Variants in BRINP3 observed in about 807,000 individuals in gnomAD.
BRINP3 encodes BMP/retinoic acid inducible neural specific 3.
BRINP3 carries 19 observed loss-of-function variants against 71.0 expected under a neutral mutation model. The ratio of observed to expected loss-of-function variants is 0.27; its 90% confidence interval spans 0.19 to 0.39. The LOEUF (loss-of-function observed/expected upper bound fraction) is 0.39, where lower values mean the gene tolerates loss of function less well. BRINP3 is among the 10% of genes least tolerant of loss of function. BRINP3 has a pLI of 1.00. For synonymous variants in BRINP3, 380 were observed against 337.7 expected (o/e 1.13, Z -1.37); for missense variants, 959 against 940.8 (o/e 1.02, Z -0.25).
chr1:190,276,836 A>T (rs1662596523), intron 3 of BRINP3, among the ~76,000 whole-genome samples: 1 of 151,104 alleles, frequency 6.6e-6, no homozygotes, highest in Admixed American at 6.6e-5. Context: ...TTAGCCATAG[A>T]GTAATCAAAA....
At chr1:190,208,747 G>C (rs1385335311) in intron 6 of BRINP3, among the ~76,000 whole-genome samples, 1 of 151,864 alleles carries the variant, frequency 6.6e-6, no homozygotes, top group Non-Finnish European at 1.5e-5. Context: ...TGACCGCCTT[G>C]GCCTCTCAAT....
chr1:190,110,661 T>C (rs1057400769), intron 7 of BRINP3, among the ~76,000 whole-genome samples: 1 of 152,148 alleles, frequency 6.6e-6, no homozygotes, highest in Admixed American at 6.5e-5. Context: ...TGAATCAGGA[T>C]ATCTCAGGCC....
intron 2 of BRINP3, among the ~76,000 whole-genome samples, chr1:190,327,351 G>GAAAAAAAAAAAAAAAAAAAAA (rs1666667604): frequency 1.5e-5 from 1 of 65,756 alleles, no homozygotes; most frequent in Non-Finnish European, 3.5e-5. Context: ...AAAAAAAAAA[G>GAAAAAAAAAAAAAAAAAAAAA]GAAAAAAAAA....
At position 190,265,065 on chromosome 1, in the gene BRINP3, T is replaced by A; in HGVS notation, c.428-10A>T. On this transcript the variant is annotated splice_polypyrimidine_tract_variant and intron_variant, in intron 3 of 7. Transcript: ENST00000367462. ...GTGAGTGACTCCTCTCCTGCATTAA[T>A]AATATTTCAAATTATTCAATTTTCC... 1 of 1,579,622 alleles carries A rather than the reference T, an allele frequency of 6.3e-7. No homozygotes were observed. Among genetic ancestry groups the A allele is most frequent in the Non-Finnish European group, 8.6e-7 (1 of 1,168,962 alleles).
chr1:190,147,508 A>G (rs994078874), intron 7 of BRINP3, among the ~76,000 whole-genome samples: 24 of 152,230 alleles, frequency 1.6e-4, no homozygotes, highest in African/African-American at 5.3e-4. Flanking sequence ...CAAATAAAAT[A>G]TCAATTCACT....
intron 2 of BRINP3, among the ~76,000 whole-genome samples, chr1:190,370,162 TGA>T (rs1419743114): frequency 6.6e-6 from 1 of 152,180 alleles, no homozygotes; most frequent in African/African-American, 2.4e-5. Flanking sequence ...AATTAATCCA[TGA>T]ATGCATACAC....
At chr1:190,247,647 T>C (rs1278149163) in intron 4 of BRINP3, among the ~76,000 whole-genome samples, 1 of 151,798 alleles carries the variant, frequency 6.6e-6, no homozygotes, top group Non-Finnish European at 1.5e-5. Flanking sequence ...ATATTTCCCA[T>C]ACTTCTCACC....
intron 5 of BRINP3, among the ~76,000 whole-genome samples, chr1:190,232,857 A>G (rs934670194): frequency 2.6e-5 from 4 of 152,266 alleles, no homozygotes; most frequent in South Asian, 2.1e-4. Context: ...TTCTGAGGGA[A>G]GGTTAATCCA....
intron 6 of BRINP3, among the ~76,000 whole-genome samples, chr1:190,190,935 AT>A (rs1254321161): frequency 1.3e-5 from 2 of 152,284 alleles, no homozygotes; most frequent in South Asian, 2.1e-4. Flanking sequence ...GTGAAAAATG[AT>A]TTTTAAATGC....
intron 4 of BRINP3, among the ~76,000 whole-genome samples, chr1:190,253,890 A>G (rs1244232965): frequency 6.6e-6 from 1 of 152,136 alleles, no homozygotes; most frequent in Non-Finnish European, 1.5e-5. Flanking sequence ...TAGGGTTTCT[A>G]TGGTTTTAGG....
At chr1:190,137,774 G>T (rs966574586) in intron 7 of BRINP3, among the ~76,000 whole-genome samples, 2 of 152,040 alleles carry the variant, frequency 1.3e-5, no homozygotes, top group African/African-American at 4.8e-5. Context: ...AGATAAGTAA[G>T]AAAGAGGAAA....
chr1:190,430,544 A>G (rs972802635), intron 2 of BRINP3, among the ~76,000 whole-genome samples: 1 of 152,168 alleles, frequency 6.6e-6, no homozygotes, highest in Non-Finnish European at 1.5e-5. Context: ...CAGAGTCCCA[A>G]TTTTGGGTAG....
intron 6 of BRINP3, among the ~76,000 whole-genome samples, chr1:190,173,522 A>G (rs781208741): frequency 2.6e-5 from 4 of 152,148 alleles, no homozygotes; most frequent in Non-Finnish European, 2.9e-5. Context: ...CTACCACTTC[A>G]TTGCTGTTAT....
At position 190,310,939 on chromosome 1, in the gene BRINP3, T is replaced by C. The variant is rs1031643597; in HGVS notation, c.237-29189A>G. ...AAACAATATAATTCAAGTGAGTGAA[T>C]ACCTGCTAGTGCATGTTACTTAATT... On this transcript the variant is annotated intron_variant, in intron 2 of 7. Transcript: ENST00000367462. Among the ~76,000 whole-genome samples, 5 of 151,800 alleles carry C rather than the reference T, an allele frequency of 3.3e-5. No individual in the cohort carries two copies. The Admixed American group carries it at 3.3e-4, about 10-fold the overall frequency.
chr1:190,365,835 T>TATATATATATAC (rs1553303272), intron 2 of BRINP3, among the ~76,000 whole-genome samples: 2 of 136,754 alleles, frequency 1.5e-5, no homozygotes, highest in Middle Eastern at 4.3e-3. Context: ...TATATATATA[T>TATATATATATAC]ACACACACAC....
chr1:190,336,836 C>T (rs373300786), intron 2 of BRINP3, among the ~76,000 whole-genome samples: 29 of 126,528 alleles, frequency 2.3e-4, no homozygotes, highest in East Asian at 7.4e-4. Flanking sequence ...CCCTCCCTCC[C>T]TCCTTCCTTC....
intron 1 of BRINP3, among the ~76,000 whole-genome samples, chr1:190,459,325 T>G (rs1409509090): frequency 1.3e-5 from 2 of 151,750 alleles, no homozygotes; most frequent in Admixed American, 1.3e-4. Flanking sequence ...AGTCTAAATA[T>G]GATTATTCTT....
At chr1:190,383,957 GTTA>G (rs1226527780) in intron 2 of BRINP3, among the ~76,000 whole-genome samples, 2 of 151,802 alleles carry the variant, frequency 1.3e-5, no homozygotes, top group African/African-American at 4.8e-5. Flanking sequence ...TCATGAAGTA[GTTA>G]TTATAGTTAT....
chr1:190,232,593 C>T (rs563193202), intron 5 of BRINP3, among the ~76,000 whole-genome samples: 1 of 152,100 alleles, frequency 6.6e-6, no homozygotes, highest in South Asian at 2.1e-4. Flanking sequence ...TTCTGAGTTA[C>T]GCACATTAGT....
Sources: gnomAD v4.1 joint callset for allele counts (sites outside exome capture counted in the v4.1 genomes callset) on GRCh38, gnomAD v4.1.1 for gene constraint, MANE v1.5 for transcripts, NCBI Gene and HGNC (gene_info 2026-07-23, HGNC 2026-07-21) for gene names.